The following ELAPOR1 variants were observed in gnomAD, a reference collection of about 807,000 sequenced individuals.
ELAPOR1 encodes the protein endosome/lysosome-associated apoptosis and autophagy regulator 1.
In ELAPOR1, 77 loss-of-function variants were observed where a neutral mutation model predicts 119.7. That is an observed-to-expected ratio of 0.64 (90% CI 0.54 to 0.78). The LOEUF (loss-of-function observed/expected upper bound fraction) is 0.78. ELAPOR1 is among the 30% of genes least tolerant of loss of function. ELAPOR1 has a pLI of 0.00. For missense variants in ELAPOR1, 1,115 were observed against 1,270.4 expected (o/e 0.88, Z 1.86); for synonymous variants, 481 against 487.2 (o/e 0.99, Z 0.17).
chr1:109,189,712 G>C, intron 11 of ELAPOR1, 30 bp downstream of exon 11: 1 of 1,548,952 alleles, frequency 6.5e-7, no homozygotes, highest in South Asian at 1.1e-5. Context: ...GGGGAGTCCA[G>C]GCCAGCTTGG....
Position 109,173,761 on chromosome 1 carries a change from C to A in ELAPOR1, c.876C>A (p.Cys292Ter). Residue 292 changes from cysteine to a stop codon, truncating the protein, a stop_gained, in exon 7 of 22, where the codon TGC becomes TGA. Transcript: ENST00000369939. LOFTEE classifies it high-confidence loss of function. ...TYADKQGSSF[C>*]KLCPANSYSN... ...CAGACAAGCAGGGCTCCTCTTTCTG[C>A]AAACTTTGCCCAGCCAACTCTTATT... 1 of 1,614,162 alleles carries A rather than the reference C, an allele frequency of 6.2e-7. No individual in the cohort carries two copies. Among genetic ancestry groups the A allele is most frequent in the Non-Finnish European group, 8.5e-7 (1 of 1,180,032 alleles).
chr1:109,115,669 T>A (rs1647945296), intron 1 of ELAPOR1, among the ~76,000 whole-genome samples: 1 of 152,206 alleles, frequency 6.6e-6, no homozygotes, highest in Admixed American at 6.5e-5. Flanking sequence ...GTTCTGTGTC[T>A]ACAGCACAGC....
At chr1:109,124,365 G>C (rs1648642680) in intron 1 of ELAPOR1, among the ~76,000 whole-genome samples, 2 of 152,022 alleles carry the variant, frequency 1.3e-5, no homozygotes, top group Admixed American at 6.6e-5. Context: ...CAAGTAGCTG[G>C]GGCTGCAGGC....
intron 7 of ELAPOR1, among the ~76,000 whole-genome samples, chr1:109,177,382 G>GGGT (rs1652401735): frequency 1.6e-5 from 2 of 124,184 alleles, no homozygotes; most frequent in African/African-American, 3.6e-5. Flanking sequence ...TTCTCAGACG[G>GGGT]GGCGGCCGGG....
chr1:109,174,412 C>T (rs1390252100), intron 7 of ELAPOR1, among the ~76,000 whole-genome samples: 1 of 12,896 alleles, frequency 7.8e-5, no homozygotes, highest in Non-Finnish European at 2.3e-4. Flanking sequence ...GACCCTGTCT[C>T]TAAAAAAAAA....
chr1:109,114,986 T>G (rs1220124028), intron 1 of ELAPOR1, among the ~76,000 whole-genome samples: 1 of 152,180 alleles, frequency 6.6e-6, no homozygotes, highest in African/African-American at 2.4e-5. Context: ...AGATTTTGAG[T>G]TCTTCAATAT....
rs746437434 is a variant in ELAPOR1 at position 109,198,615 on chromosome 1, C to G, written c.2442C>G (p.Thr814=). The change falls in exon 18 of 22, where the codon ACC becomes ACG. Residue 814 remains threonine (T), a synonymous_variant. Transcript: ENST00000369939. The stretch of plus-strand genomic sequence containing the variant: ...AGTCCTGCAGTTCTGGGAGATCAAC[C>G]ACCATCCGCGTCAGGTGCAGTCCAC... ...VTQSCSSGRS[T]TIRVRCSPQK... 2.9e-5 allele frequency: 47 copies of G among 1,613,982 alleles called. No homozygotes were observed. The highest frequency in any genetic ancestry group is 4.0e-5 in the Non-Finnish European group (47 of 1,179,962).
chr1:109,126,099 T>G lies in ELAPOR1; in HGVS notation c.153+11763T>G, dbSNP rs17838307. On this transcript the variant is annotated intron_variant, in intron 1 of 21. Transcript: ENST00000369939. ...ATTCCAATCGACTTGCAGTTATACATTTCATTAAGTGCTATGCAGGAAAAG... is the reference window on the plus strand; with the variant it reads ...ATTCCAATCGACTTGCAGTTATACAGTTCATTAAGTGCTATGCAGGAAAAG... 9.8e-3 allele frequency among the ~76,000 whole-genome samples: 1,494 copies of G among 152,316 alleles called. 28 individuals are homozygous for G. Among genetic ancestry groups the G allele is most frequent in the African/African-American group, 0.034 (1,413 of 41,556 alleles).
chr1:109,167,421 G>A (rs1157504842), intron 3 of ELAPOR1, among the ~76,000 whole-genome samples: 1 of 152,102 alleles, frequency 6.6e-6, no homozygotes, highest in African/African-American at 2.4e-5. Context: ...AGCTTTTGTG[G>A]TTTCCCCATC....
chr1:109,189,713 G>A, intron 11 of ELAPOR1, 31 bp downstream of exon 11: 2 of 1,549,736 alleles, frequency 1.3e-6, no homozygotes, highest in Non-Finnish European at 1.8e-6. Context: ...GGGAGTCCAG[G>A]CCAGCTTGGC....
intron 1 of ELAPOR1, among the ~76,000 whole-genome samples, chr1:109,147,058 A>C (rs1650221781): frequency 6.7e-6 from 1 of 148,434 alleles, no homozygotes; most frequent in Non-Finnish European, 1.5e-5. Context: ...GGTTCCTGCC[A>C]CTACGCCTGG....
rs771396528 is a variant in ELAPOR1 at position 109,185,081 on chromosome 1, G to C, written c.989G>C (p.Cys330Ser). Reference protein sequence around the residue: ...GSSSCNVRPACTDKDYFYTHT... With the variant: ...GSSSCNVRPASTDKDYFYTHT... ...TCTTCCTGTAACGTGCGCCCAGCTT[G>C]CACAGACAAAGATTATTTCTACACA... The change falls in exon 8 of 22, where the codon TGC becomes TCC. Residue 330 changes from cysteine to serine, a missense_variant. Transcript: ENST00000369939. 2 of 1,614,148 alleles carry C rather than the reference G, an allele frequency of 1.2e-6. No homozygotes were observed. Among genetic ancestry groups the C allele is most frequent in the Non-Finnish European group, 1.7e-6 (2 of 1,180,000 alleles).
chr1:109,168,735 T>A (rs776009809), intron 3 of ELAPOR1, among the ~76,000 whole-genome samples: 6 of 152,222 alleles, frequency 3.9e-5, no homozygotes, highest in Non-Finnish European at 7.3e-5. Context: ...CACAACTGGA[T>A]GACCTAGGGT....
At chr1:109,145,463 A>C (rs7530367) in intron 1 of ELAPOR1, among the ~76,000 whole-genome samples, 11,364 of 152,056 alleles carry the variant, frequency 0.075, 482 homozygotes, top group Non-Finnish European at 0.09. Flanking sequence ...TGAGACCAGC[A>C]TGGTCAACAT....
intron 15 of ELAPOR1, among the ~76,000 whole-genome samples, chr1:109,196,178 G>C (rs1417749636): frequency 1.3e-5 from 2 of 152,038 alleles, no homozygotes; most frequent in Non-Finnish European, 1.5e-5. Context: ...ACAATATAAA[G>C]AGCATCTTGA....
In ELAPOR1 at chr1:109,172,411, G is replaced by A. The variant is rs956394319; in HGVS notation, c.616-77G>A. ...CCCATATAAAGAAGGGCCCTCTGGAGGGCTGGTGCAATGTGGGGAAAGGTA... is the reference window on the plus strand; with the variant it reads ...CCCATATAAAGAAGGGCCCTCTGGAAGGCTGGTGCAATGTGGGGAAAGGTA... On this transcript the variant is annotated intron_variant, in intron 4 of 21. Coordinates refer to ENST00000369939, the MANE Select transcript of ELAPOR1 (RefSeq NM_020775.5). The A allele has an allele frequency of 1.1e-5, 12 of 1,083,352 alleles. No individual in the cohort carries two copies. In the African/African-American group the frequency reaches 1.9e-4, roughly 17 times the overall value. The allele number at this position is 1,083,352 out of a possible 1,614,324, so 67.1% of individuals were successfully genotyped here.
chr1:109,191,872 CT>C lies in ELAPOR1; in HGVS notation c.1683+10del. The stretch of plus-strand genomic sequence containing the variant: ...CCACTTTTCATGAGGCAGTAAGTTC[CT>C]CCCCTTCCTCAGACCCCCAGGAGAG... On this transcript the variant is annotated intron_variant, in intron 13 of 21. Transcript: ENST00000369939. 6.2e-7 allele frequency: 1 copy of C among 1,614,036 alleles called. No individual in the cohort carries two copies. The highest frequency in any genetic ancestry group is 8.5e-7 in the Non-Finnish European group (1 of 1,179,936).
chr1:109,116,029 C>G (rs547411219), intron 1 of ELAPOR1, among the ~76,000 whole-genome samples: 2 of 152,302 alleles, frequency 1.3e-5, no homozygotes, highest in African/African-American at 4.8e-5. Flanking sequence ...GTTTAACTAC[C>G]AATTCTTGTT....
In ELAPOR1 at chr1:109,203,924, AG is replaced by A. The variant is rs1318255591; in HGVS notation, c.*914del. 6.6e-6 allele frequency: 1 copy of A among 151,168 alleles called. No homozygotes were observed. The highest frequency in any genetic ancestry group is 1.5e-5 in the Non-Finnish European group (1 of 67,888). The allele number at this position is 151,168 out of a possible 1,614,324, so 9.4% of individuals were successfully genotyped here. On this transcript the variant is annotated 3_prime_UTR_variant, in exon 22 of 22. Transcript: ENST00000369939. ...AAGAAAAGCACAAAGAGAGGCAACA[AG>A]GAATGTTTTTGTTTTTGAGACAGGC...
Sources: allele counts gnomAD v4.1 joint callset (sites outside exome capture counted in the v4.1 genomes callset), GRCh38; gene constraint gnomAD v4.1.1; transcripts MANE v1.5; gene names NCBI Gene and HGNC (gene_info 2026-07-23, HGNC 2026-07-21).